Variants in TMEM267 observed in about 807,000 individuals in gnomAD.
The protein encoded by TMEM267 is transmembrane protein C5orf28.
In TMEM267, 20 loss-of-function variants were observed where a neutral mutation model predicts 19.3. That is an observed-to-expected ratio of 1.04 (90% CI 0.73 to 1.51). The LOEUF is 1.51. Among genes scored for constraint, TMEM267 ranks in the 40% most tolerant of loss-of-function variants. The pLI is 0.00. For missense variants in TMEM267, 242 were observed against 261.9 expected (o/e 0.92, Z 0.52); for synonymous variants, 88 against 90.3 (o/e 0.97, Z 0.15).
In TMEM267 at chr5:43,446,499, A is replaced by G. The variant is rs1303402614; in HGVS notation, c.371T>C (p.Val124Ala). ...CATAGTAAATTTCAGGGTCAGAACC[A>G]CAACGGGAATCACAGTAGAACAGTG... ...FLHCSTVIPV[V>A]VLTLKFTMHL... is the part of the protein sequence containing the mutation. The change falls in exon 3 of 3, where the codon GTG becomes GCG. Residue 124 changes from valine to alanine, a missense_variant. Transcript: ENST00000397080. 47 of 1,614,020 alleles carry G rather than the reference A, an allele frequency of 2.9e-5. No homozygotes were observed. The highest frequency in any genetic ancestry group is 3.9e-5 in the Non-Finnish European group (46 of 1,179,970).
rs571706929 is a variant in TMEM267 at position 43,467,919 on chromosome 5, T to C, written c.-74-13876A>G. Among the ~76,000 whole-genome samples, 3 of 152,182 alleles carry C rather than the reference T, an allele frequency of 2.0e-5. No individual in the cohort carries two copies. The South Asian group carries it at 6.2e-4, about 32-fold the overall frequency. On this transcript the variant is annotated intron_variant, in intron 1 of 2. Coordinates refer to ENST00000397080, the MANE Select transcript of TMEM267 (RefSeq NM_022483.5). ...AGCCCTCAGTTGGGGGGGGCCTTACTTTGAGCTGTATCTGCCTTTCTGGAT... is the reference window on the plus strand; with the variant it reads ...AGCCCTCAGTTGGGGGGGGCCTTACCTTGAGCTGTATCTGCCTTTCTGGAT...
At chr5:43,455,954 G>A (rs944293642) in intron 1 of TMEM267, among the ~76,000 whole-genome samples, 3 of 150,710 alleles carry the variant, frequency 2.0e-5, no homozygotes, top group Non-Finnish European at 4.4e-5. Flanking sequence ...TCCTACCTCA[G>A]TCTCTTGAGT....
In TMEM267 at chr5:43,467,146, C is replaced by CAAA. The variant is rs70994698; in HGVS notation, c.-74-13106_-74-13104dup. ...TCTGGGCAACAGAGAGAGACTCTGT[C>CAAA]AAAAAAAAAAAAAAAAAAAAAAGAA... is the stretch of plus-strand genomic sequence containing the variant. On this transcript the variant is annotated intron_variant, in intron 1 of 2. Transcript: ENST00000397080. Among the ~76,000 whole-genome samples the CAAA allele has an allele frequency of 5.7e-3, 265 of 46,804 alleles. 3 individuals carry two copies. The highest frequency in any genetic ancestry group is 0.012 in the African/African-American group (172 of 14,238). The allele number at this position is 46,804 out of a possible 152,430, so 30.7% of individuals were successfully genotyped here.
In TMEM267 at chr5:43,467,010, G is replaced by T. The variant is rs143326572; in HGVS notation, c.-74-12967C>A. ...CTAAAAATATAAAAATTAGCTGTGT[G>T]TCGTGGCGCACATCTGTAGTCCCAG... On this transcript the variant is annotated intron_variant, in intron 1 of 2. Coordinates refer to ENST00000397080, the MANE Select transcript of TMEM267 (RefSeq NM_022483.5). 4.8e-3 allele frequency among the ~76,000 whole-genome samples: 736 copies of T among 151,784 alleles called. 10 individuals carry two copies. Among genetic ancestry groups the T allele is most frequent in the African/African-American group, 0.011 (468 of 41,394 alleles).
chr5:43,449,782 C>T (rs923320279), intron 2 of TMEM267, among the ~76,000 whole-genome samples: 11 of 152,150 alleles, frequency 7.2e-5, no homozygotes, highest in Admixed American at 7.2e-4. Flanking sequence ...ACAACATTTT[C>T]AACAGGATGG....
chr5:43,482,932 T>C (rs1237725085), intron 1 of TMEM267, among the ~76,000 whole-genome samples: 1 of 144,832 alleles, frequency 6.9e-6, no homozygotes, highest in Non-Finnish European at 1.5e-5. Flanking sequence ...ATACATTCTC[T>C]AAGTAAGTGT....
intron 1 of TMEM267, among the ~76,000 whole-genome samples, chr5:43,479,241 T>A (rs966724041): frequency 6.6e-6 from 1 of 151,944 alleles, no homozygotes; most frequent in Admixed American, 6.6e-5. Flanking sequence ...ATGTAAAAAA[T>A]TACATTTTTG....
At chr5:43,451,911 C>T (rs13188884) in intron 2 of TMEM267, among the ~76,000 whole-genome samples, 2 of 151,438 alleles carry the variant, frequency 1.3e-5, no homozygotes, top group Admixed American at 6.6e-5. Flanking sequence ...CCTGCCTCTA[C>T]AAATAATTTT....
At chr5:43,472,408 A>G (rs957002416) in intron 1 of TMEM267, among the ~76,000 whole-genome samples, 1 of 152,244 alleles carries the variant, frequency 6.6e-6, no homozygotes, top group African/African-American at 2.4e-5. Flanking sequence ...TAAAAATTGA[A>G]CTACCATATG....
rs1742233258 is a variant in TMEM267, at chr5:43,446,299, T to C, written c.571A>G (p.Ile191Val). 1 of 1,613,712 alleles carries C rather than the reference T, an allele frequency of 6.2e-7. No homozygotes were observed. The highest frequency in any genetic ancestry group is 1.7e-5 in the Admixed American group (1 of 59,998). The change falls in exon 3 of 3, where the codon ATC (isoleucine) becomes GTC (valine). Residue 191 changes from isoleucine (I) to valine (V), a missense_variant. By Grantham distance (29) the Ile-to-Val change is conservative. Transcript: ENST00000397080. Reference protein sequence around the residue: ...YVIITSSLPHICSFVMYLTGT... With the variant: ...YVIITSSLPHVCSFVMYLTGT... The stretch of plus-strand genomic sequence containing the variant: ...GTTAAATACATAACGAATGAACAGA[T>C]GTGAGGTAAAGATGATGTGATTATT...
rs184397399 is a variant in TMEM267 at position 43,458,307 on chromosome 5, G to A, written c.-74-4264C>T. On this transcript the variant is annotated intron_variant, in intron 1 of 2. Transcript: ENST00000397080. ...TGTAGAGATGGAATTTCACCATGTT[G>A]CCCAGGCTGGTCTGCAGCTCCTGGC... Among the ~76,000 whole-genome samples, 33 of 152,208 alleles carry A rather than the reference G, an allele frequency of 2.2e-4. No individual in the cohort carries two copies. The East Asian group carries it at 6.2e-3, about 28-fold the overall frequency.
At chr5:43,469,632 T>C (rs1743945738) in intron 1 of TMEM267, among the ~76,000 whole-genome samples, 1 of 152,222 alleles carries the variant, frequency 6.6e-6, no homozygotes, top group Non-Finnish European at 1.5e-5. Flanking sequence ...AAGCTGTATA[T>C]GACAGATCCA....
At position 43,446,414 on chromosome 5, in the gene TMEM267, C is replaced by G; in HGVS notation, c.456G>C (p.Trp152Cys). 1 of 1,613,966 alleles carries G rather than the reference C, an allele frequency of 6.2e-7. No homozygotes were observed. The highest frequency in any genetic ancestry group is 8.5e-7 in the Non-Finnish European group (1 of 1,179,956). ...CFLPWMLFIS[W>C]TSHHIRDGIR... ...TCCCATCTCGGATATGATGTGAAGT[C>G]CAGGATATAAATAACATCCAGGGAA... Residue 152 changes from tryptophan (W) to cysteine (C), a missense_variant, in exon 3 of 3, where the codon TGG becomes TGC. Coordinates refer to ENST00000397080, the MANE Select transcript of TMEM267 (RefSeq NM_022483.5).
intron 1 of TMEM267, among the ~76,000 whole-genome samples, chr5:43,473,181 C>CT (rs1270620030): frequency 5.4e-5 from 8 of 148,912 alleles, no homozygotes; most frequent in African/African-American, 2.0e-4. Flanking sequence ...TGAGTAAGAC[C>CT]TAGTACTTGA....
At chr5:43,451,275 A>C (rs1742569510) in intron 2 of TMEM267, among the ~76,000 whole-genome samples, 1 of 152,204 alleles carries the variant, frequency 6.6e-6, no homozygotes, top group Non-Finnish European at 1.5e-5. Flanking sequence ...AATTAAACTA[A>C]AGAGCTTCTG....
intron 1 of TMEM267, among the ~76,000 whole-genome samples, chr5:43,460,264 T>C (rs1336738953): frequency 1.3e-5 from 2 of 152,134 alleles, no homozygotes; most frequent in Non-Finnish European, 2.9e-5. Flanking sequence ...TGGATCCTAA[T>C]GGGCCATGAA....
At chr5:43,464,557 A>C (rs1378512314) in intron 1 of TMEM267, among the ~76,000 whole-genome samples, 2 of 152,286 alleles carry the variant, frequency 1.3e-5, no homozygotes, top group African/African-American at 4.8e-5. Context: ...TTCAAACTAT[A>C]CTACAAGGCT....
intron 1 of TMEM267, among the ~76,000 whole-genome samples, chr5:43,478,056 G>T (rs1744532867): frequency 6.6e-6 from 1 of 152,046 alleles, no homozygotes; most frequent in Non-Finnish European, 1.5e-5. Flanking sequence ...GATGAACATG[G>T]GTTCTATCTT....
At chr5:43,484,375 AC>A (rs1744998770), upstream of TMEM267, 1 of 152,236 alleles carries the variant, frequency 6.6e-6, no homozygotes, top group South Asian at 2.1e-4. Flanking sequence ...AGACTGAGGG[AC>A]CGGGCGACCT....
Sources: allele counts gnomAD v4.1 joint callset (sites outside exome capture counted in the v4.1 genomes callset), GRCh38; gene constraint gnomAD v4.1.1; transcripts MANE v1.5; gene names NCBI Gene and HGNC (gene_info 2026-07-23, HGNC 2026-07-21).